Variants in TMTC4 observed in about 807,000 individuals in gnomAD.
TMTC4 encodes protein O-mannosyl-transferase TMTC4.
TMTC4 carries 65 observed loss-of-function variants against 86.0 expected under a neutral mutation model. That is an observed-to-expected ratio of 0.76 (90% CI 0.62 to 0.93). The LOEUF (loss-of-function observed/expected upper bound fraction) is 0.93, where lower values mean the gene tolerates loss of function less well. Ranked by LOEUF, TMTC4 falls within the 40% of genes least tolerant of loss-of-function variation. The pLI is 0.00. For synonymous variants in TMTC4, 379 were observed against 382.5 expected, an observed-to-expected ratio of 0.99 and a Z score of 0.11; for missense variants, 866 against 948.1, an observed-to-expected ratio of 0.91 and a Z score of 1.14.
chr13:100,673,993 C>T (rs1382887613), intron 1 of TMTC4: 1 of 983,294 alleles, frequency 1.0e-6, no homozygotes. Context: ...TCCTCTAACT[C>T]CTCCCTTCTT....
At chr13:100,623,432 C>T (rs1468025816) in intron 15 of TMTC4, among the ~76,000 whole-genome samples, 1 of 152,174 alleles carries the variant, frequency 6.6e-6, no homozygotes, top group African/African-American at 2.4e-5. Context: ...GTGGTTTCGC[C>T]ATGTTGGCCA....
At chr13:100,607,324 C>A (rs906043032) in intron 17 of TMTC4, among the ~76,000 whole-genome samples, 2 of 152,100 alleles carry the variant, frequency 1.3e-5, no homozygotes, top group African/African-American at 4.8e-5. Flanking sequence ...CGAGACCAGC[C>A]TGGCCAACAT....
chr13:100,614,491 CATT>C, intron 15 of TMTC4, 61 bp from the exon 16 acceptor site: 2 of 777,158 alleles, frequency 2.6e-6, no homozygotes, highest in Non-Finnish European at 3.9e-6. Context: ...CTTTCCAAGA[CATT>C]ATTAAAAAAA....
intron 5 of TMTC4, 148 bp from the exon 6 acceptor site, chr13:100,656,616 C>T (rs1336518070): frequency 2.6e-5 from 15 of 582,024 alleles, no homozygotes; most frequent in South Asian, 1.3e-4. Flanking sequence ...GATCTTGGCT[C>T]ACTGTAGCCT....
At chr13:100,661,744 G>A (rs1885803313) in intron 5 of TMTC4, among the ~76,000 whole-genome samples, 2 of 152,240 alleles carry the variant, frequency 1.3e-5, no homozygotes, top group South Asian at 4.1e-4. Flanking sequence ...TCTTGATACT[G>A]AAGAATAGAC....
At chr13:100,662,885 G>A in intron 5 of TMTC4, 79 bp downstream of exon 5, 1 of 1,523,270 alleles carries the variant, frequency 6.6e-7, no homozygotes, top group Non-Finnish European at 9.0e-7. Context: ...AAGGGAGCCT[G>A]TTTTAGGAAA....
intron 1 of TMTC4, chr13:100,670,806 G>A (rs1175914411): frequency 1.2e-5 from 2 of 160,500 alleles, no homozygotes; most frequent in Non-Finnish European, 2.7e-5. Flanking sequence ...ACAAAAATTA[G>A]CTGAGTGTGG....
intron 2 of TMTC4, among the ~76,000 whole-genome samples, 200 bp from the exon 3 acceptor site, chr13:100,668,994 C>G (rs1301907336): frequency 6.6e-6 from 1 of 152,182 alleles, no homozygotes; most frequent in Non-Finnish European, 1.5e-5. Flanking sequence ...TGGGTCCGAC[C>G]ACAGGATCTA....
chr13:100,610,066 T>C (rs1287011192), intron 17 of TMTC4, among the ~76,000 whole-genome samples: 1 of 152,196 alleles, frequency 6.6e-6, no homozygotes, highest in Non-Finnish European at 1.5e-5. Flanking sequence ...GATACAAAAC[T>C]GGGACCAAAG....
At chr13:100,621,051 G>T (rs1879395857) in intron 15 of TMTC4, among the ~76,000 whole-genome samples, 1 of 152,220 alleles carries the variant, frequency 6.6e-6, no homozygotes, top group Admixed American at 6.5e-5. Flanking sequence ...TTTCACGGCA[G>T]TGTAATTAGT....
rs1186640358 is a variant in TMTC4, at chr13:100,660,752, C to T, written c.552+2212G>A. Among the ~76,000 whole-genome samples, 4 of 150,690 alleles carry T rather than the reference C, an allele frequency of 2.7e-5. 1 individual carries two copies. The highest frequency in any genetic ancestry group is 4.4e-5 in the Non-Finnish European group (3 of 67,872). On this transcript the variant is annotated intron_variant, in intron 5 of 18. Coordinates refer to ENST00000342624, the MANE Select transcript of TMTC4 (RefSeq NM_032813.5). Reference sequence around the variant, plus strand: ...CACTGCAGCCTCTGCCTCCTGGGTTCGAGTGATTCTCCTGCCTCACCCTCC... The same window carrying T: ...CACTGCAGCCTCTGCCTCCTGGGTTTGAGTGATTCTCCTGCCTCACCCTCC...
chr13:100,674,405 G>C lies in TMTC4; in HGVS notation c.-208+339C>G, dbSNP rs985152732. 2,012 of 935,696 alleles carry C rather than the reference G, an allele frequency of 2.2e-3. 6 individuals are homozygous for C. The highest frequency in any genetic ancestry group is 2.4e-3 in the Non-Finnish European group (1,906 of 787,402). The allele number at this position is 935,696 out of a possible 1,614,324, so 58.0% of individuals were successfully genotyped here. A position where few individuals can be genotyped will look rare whatever the true frequency, so the allele number is the denominator to read the frequency against. Reference sequence around the variant, plus strand: ...CGCAGGCGCCGGGTGCGCCCGGGCCGAGGGAGCGCCGGCGCGGCTGTGCAG... The same window carrying C: ...CGCAGGCGCCGGGTGCGCCCGGGCCCAGGGAGCGCCGGCGCGGCTGTGCAG... On this transcript the variant is annotated intron_variant, in intron 1 of 18. Transcript: ENST00000342624.
rs1472261672 is a variant in TMTC4 at position 100,604,433 on chromosome 13, T to C, written c.*561A>G. The stretch of plus-strand genomic sequence containing the variant: ...TAGATATACTATGTTAAAACTTCCA[T>C]TCCTCATTCGATTATTTGCCCTATT... On this transcript the variant is annotated 3_prime_UTR_variant, in exon 19 of 19. Transcript: ENST00000342624. 1 of 152,312 alleles carries C rather than the reference T, an allele frequency of 6.6e-6. No individual in the cohort carries two copies. The highest frequency in any genetic ancestry group is 1.5e-5 in the Non-Finnish European group (1 of 68,050). The allele number at this position is 152,312 out of a possible 1,614,324, so 9.4% of individuals were successfully genotyped here.
At position 100,604,950 on chromosome 13, in the gene TMTC4, T is replaced by C; in HGVS notation, c.*44A>G. ...AACCACATACTATTAATGATATGCC[T>C]CATGCACACACACACTCAAACTCAA... On this transcript the variant is annotated 3_prime_UTR_variant, in exon 19 of 19. Transcript: ENST00000342624. 6.3e-7 allele frequency: 1 copy of C among 1,597,572 alleles called. No homozygotes were observed. The highest frequency in any genetic ancestry group is 2.2e-5 in the East Asian group (1 of 44,588).
At chr13:100,671,078 T>C (rs1049262032) in intron 1 of TMTC4, among the ~76,000 whole-genome samples, 2 of 152,266 alleles carry the variant, frequency 1.3e-5, no homozygotes, top group Non-Finnish European at 2.9e-5. Context: ...CAATTTTAAA[T>C]GCACAATAGA....
intron 17 of TMTC4, 41 bp from the exon 18 acceptor site, chr13:100,606,468 C>A (rs1164485396): frequency 1.3e-6 from 2 of 1,553,444 alleles, no homozygotes; most frequent in African/African-American, 1.4e-5. Flanking sequence ...ATTTATTGTA[C>A]ATGAAGCAAA....
intron 5 of TMTC4, among the ~76,000 whole-genome samples, chr13:100,662,036 C>G (rs562239292): frequency 1.3e-5 from 2 of 152,012 alleles, no homozygotes; most frequent in Non-Finnish European, 2.9e-5. Flanking sequence ...TTCACAAATG[C>G]CTAGTGAAAT....
At chr13:100,662,834 G>C in intron 5 of TMTC4, 130 bp downstream of exon 5, 2 of 874,738 alleles carry the variant, frequency 2.3e-6, no homozygotes, top group East Asian at 2.5e-5. Context: ...GTATGTTGTG[G>C]AGTAGACTTT....
At chr13:100,670,896 G>T (rs564475374) in intron 1 of TMTC4, among the ~76,000 whole-genome samples, 1 of 152,356 alleles carries the variant, frequency 6.6e-6, no homozygotes, top group Non-Finnish European at 1.5e-5. Context: ...CCAGGCTGCA[G>T]TGAGCTGAGA....
Sources: gnomAD v4.1 joint callset for allele counts (sites outside exome capture counted in the v4.1 genomes callset) on GRCh38, gnomAD v4.1.1 for gene constraint, MANE v1.5 for transcripts, NCBI Gene and HGNC (gene_info 2026-07-23, HGNC 2026-07-21) for gene names.